Variants in USH2A observed in about 807,000 individuals in gnomAD.
USH2A encodes the protein Usher syndrome 2A (autosomal recessive, mild).
USH2A carries 443 observed loss-of-function variants against 538.9 expected under a neutral mutation model. The ratio of observed to expected loss-of-function variants is 0.82; its 90% CI spans 0.76 to 0.89. The LOEUF is 0.89. USH2A is among the 40% of genes least tolerant of loss of function. The probability of loss-of-function intolerance (pLI) is 0.00; values close to 1 mark genes in which losing one functional copy is unlikely to be tolerated. For missense variants in USH2A, 6,633 were observed against 6,324.8 expected, an observed-to-expected ratio of 1.05 and a Z score of -1.65; for synonymous variants, 2,413 against 2,273.5, an observed-to-expected ratio of 1.06 and a Z score of -1.75.
At chr1:215,950,520 T>C (rs1469498833) in intron 37 of USH2A, among the ~76,000 whole-genome samples, 3 of 151,282 alleles carry the variant, frequency 2.0e-5, no homozygotes, top group Non-Finnish European at 4.4e-5. Flanking sequence ...TTTTTTTTTT[T>C]TTCTGAGACA....
intron 71 of USH2A, among the ~76,000 whole-genome samples, chr1:215,627,585 G>C (rs1162316612): frequency 6.6e-6 from 1 of 150,994 alleles, no homozygotes; most frequent in Non-Finnish European, 1.5e-5. Context: ...GAGTGCAGTG[G>C]GGCCATCTCA....
At chr1:216,136,498 T>C (rs1324678189) in intron 21 of USH2A, among the ~76,000 whole-genome samples, 2 of 152,168 alleles carry the variant, frequency 1.3e-5, no homozygotes, top group African/African-American at 4.8e-5. Context: ...TTTGATTAGG[T>C]TATCTTTCCT....
At chr1:215,766,850 AC>A in intron 55 of USH2A, 62 bp from the exon 56 acceptor site, 1 of 1,424,634 alleles carries the variant, frequency 7.0e-7, no homozygotes, top group Non-Finnish European at 9.9e-7. Context: ...TCAATTAAGT[AC>A]CAGAAGTAAC....
chr1:216,278,149 C>T (rs994431100), intron 11 of USH2A, among the ~76,000 whole-genome samples: 5 of 152,094 alleles, frequency 3.3e-5, no homozygotes, highest in African/African-American at 7.2e-5. Flanking sequence ...CTATTTAGGG[C>T]TATTGAATCT....
intron 61 of USH2A, among the ~76,000 whole-genome samples, chr1:215,681,806 A>T (rs1376900417): frequency 6.6e-6 from 1 of 152,316 alleles, no homozygotes; most frequent in South Asian, 2.1e-4. Flanking sequence ...TTTCCTTCAC[A>T]TATCAAAAAC....
intron 62 of USH2A, among the ~76,000 whole-genome samples, chr1:215,678,521 C>T (rs1317247976): frequency 1.3e-5 from 2 of 152,242 alleles, no homozygotes; most frequent in Non-Finnish European, 2.9e-5. Flanking sequence ...CAGGACTCAG[C>T]TCAAATGTCA....
intron 3 of USH2A, among the ~76,000 whole-genome samples, chr1:216,397,337 G>A (rs2039227989): frequency 6.6e-6 from 1 of 152,138 alleles, no homozygotes; most frequent in African/African-American, 2.4e-5. Context: ...TTGTGAATAG[G>A]CCATGTGATG....
rs544733429 is a variant in USH2A at position 215,887,487 on chromosome 1, C to T, written c.8223+939G>A. 2.6e-4 allele frequency among the ~76,000 whole-genome samples: 40 copies of T among 152,208 alleles called. 2 individuals carry two copies. In the South Asian group the frequency reaches 6.9e-3, roughly 26 times the overall value. The stretch of plus-strand genomic sequence containing the variant: ...TATATCGTGTACTTAAAATTAATTT[C>T]CCATTAGTGTTTAATGAATGGAATT... On this transcript the variant is annotated intron_variant, in intron 41 of 71. Coordinates refer to ENST00000307340, the MANE Select transcript of USH2A (RefSeq NM_206933.4).
At chr1:215,718,484 A>C (rs1249727123) in intron 61 of USH2A, among the ~76,000 whole-genome samples, 1 of 152,188 alleles carries the variant, frequency 6.6e-6, no homozygotes, top group Non-Finnish European at 1.5e-5. Flanking sequence ...TACTCTATCA[A>C]TGTTAATGGT....
chr1:215,961,552 AT>A (rs1348152979), intron 37 of USH2A, among the ~76,000 whole-genome samples: 1 of 151,604 alleles, frequency 6.6e-6, no homozygotes, highest in East Asian at 1.9e-4. Context: ...TTTGAAAAAA[AT>A]AAATATGAAA....
At chr1:215,723,493 C>T (rs971475825) in intron 61 of USH2A, among the ~76,000 whole-genome samples, 1 of 152,174 alleles carries the variant, frequency 6.6e-6, no homozygotes, top group Admixed American at 6.5e-5. Context: ...AGTGATGGCA[C>T]CACAACATGG....
rs112363612 is a variant in USH2A at position 216,186,858 on chromosome 1, TG to T, written c.4396+3364del. Among the ~76,000 whole-genome samples, 10 of 152,068 alleles carry T rather than the reference TG, an allele frequency of 6.6e-5. 4 individuals carry two copies. Among genetic ancestry groups the T allele is most frequent in the African/African-American group, 2.4e-4 (10 of 41,546 alleles). On this transcript the variant is annotated intron_variant, in intron 20 of 71. Transcript: ENST00000307340. The stretch of plus-strand genomic sequence containing the variant: ...CTTCCCACTGCTTAACTTCCAGGTC[TG>T]TCTTCCTTGAAGTCACTCCATTCCC...
Position 216,198,540 on chromosome 1 carries a change from T to A in USH2A, c.3856A>T (p.Thr1286Ser), listed in dbSNP as rs756455500. The change falls in exon 18 of 72, where the codon ACT becomes TCT. Residue 1286 changes from threonine to serine, a missense_variant. Transcript: ENST00000307340. Reference protein sequence around the residue: ...YELYMRRLRSTKETTSEESRV... With the variant: ...YELYMRRLRSSKETTSEESRV... Reference sequence around the variant, plus strand: ...CTTTCCTCAGATGTGGTTTCTTTAGTAGATCTCAGTCTTCTCATGTATAGT... The same window carrying A: ...CTTTCCTCAGATGTGGTTTCTTTAGAAGATCTCAGTCTTCTCATGTATAGT... 6.2e-7 allele frequency: 1 copy of A among 1,613,878 alleles called. No individual in the cohort carries two copies. Among genetic ancestry groups the A allele is most frequent in the South Asian group, 1.1e-5 (1 of 91,074 alleles).
At chr1:215,846,083 G>A in intron 44 of USH2A, 50 bp from the exon 45 acceptor site, 1 of 1,561,302 alleles carries the variant, frequency 6.4e-7, no homozygotes, top group Admixed American at 1.7e-5. Flanking sequence ...GGCTTTCAGG[G>A]GAAAAAAAAA....
chr1:216,226,979 C>A (rs754841029), intron 14 of USH2A, among the ~76,000 whole-genome samples: 1 of 152,192 alleles, frequency 6.6e-6, no homozygotes, highest in Non-Finnish European at 1.5e-5. Flanking sequence ...GTCTCTCCAA[C>A]TGCAGGAGAC....
intron 22 of USH2A, 31 bp from the exon 23 acceptor site, chr1:216,089,170 T>G (rs1209041091): frequency 6.2e-7 from 1 of 1,600,496 alleles, no homozygotes; most frequent in African/African-American, 1.3e-5. Context: ...AATAAATGTT[T>G]ATACATGCAT....
At position 215,759,748 on chromosome 1, in the gene USH2A, A is replaced by T. The variant is rs777038283; in HGVS notation, c.11143T>A (p.Tyr3715Asn). 6.2e-7 allele frequency: 1 copy of T among 1,614,084 alleles called. No homozygotes were observed. The highest frequency in any genetic ancestry group is 8.5e-7 in the Non-Finnish European group (1 of 1,179,956). ...AAGTTTCCATTACGACTCAATTGAT[A>T]TTGAGAAACGAGGCCATTGGGCTTT... The part of the protein sequence containing the change: ...PEKPNGLVSQ[Y>N]QLSRNGNLLF... The change falls in exon 57 of 72, where the codon TAT becomes AAT. Residue 3715 changes from tyrosine to asparagine, a missense_variant. By Grantham distance (143) the Tyr-to-Asn change is moderately radical. Coordinates refer to ENST00000307340, the MANE Select transcript of USH2A (RefSeq NM_206933.4).
chr1:215,745,634 T>G (rs1571644119), intron 58 of USH2A, among the ~76,000 whole-genome samples: 2 of 152,328 alleles, frequency 1.3e-5, no homozygotes, highest in East Asian at 3.9e-4. Context: ...ATATTACTAT[T>G]TTTTAAGATG....
intron 32 of USH2A, among the ~76,000 whole-genome samples, chr1:216,010,006 T>C (rs2102491243): frequency 6.6e-6 from 1 of 152,176 alleles, no homozygotes; most frequent in Non-Finnish European, 1.5e-5. Context: ...CCCTAAAAAG[T>C]CAAAAGGCTG....
Sources: allele counts gnomAD v4.1 joint callset (sites outside exome capture counted in the v4.1 genomes callset), GRCh38; gene constraint gnomAD v4.1.1; transcripts MANE v1.5; gene names NCBI Gene and HGNC (gene_info 2026-07-23, HGNC 2026-07-21).